Variants in AGBL1 observed in about 807,000 individuals in gnomAD.
AGBL1 encodes the protein AGBL carboxypeptidase 1, also known as cytosolic carboxypeptidase 4.
AGBL1 carries 130 observed loss-of-function variants against 118.9 expected under a neutral mutation model. That is an observed-to-expected ratio of 1.09 (90% CI 0.95 to 1.26). The LOEUF (loss-of-function observed/expected upper bound fraction) is 1.26. AGBL1 is among the 50% of genes most tolerant of loss of function. The pLI, the probability that AGBL1 is intolerant of heterozygous loss-of-function variation, is 0.00. For missense variants in AGBL1, 1,584 were observed against 1,298.1 expected (o/e 1.22, Z -3.38); for synonymous variants, 555 against 478.9 (o/e 1.16, Z -2.08).
intron 22 of AGBL1, among the ~76,000 whole-genome samples, chr15:86,733,020 A>G (rs943747700): frequency 1.3e-4 from 20 of 148,686 alleles, no homozygotes; most frequent in African/African-American, 4.9e-4. Flanking sequence ...ATCTCTATAT[A>G]TTAATACTAT....
chr15:86,746,460 G>A (rs2077758236), intron 22 of AGBL1, among the ~76,000 whole-genome samples: 1 of 151,624 alleles, frequency 6.6e-6, no homozygotes, highest in Non-Finnish European at 1.5e-5. Context: ...TTTATTTTGG[G>A]TTCAGAACAT....
chr15:86,741,976 AG>A (rs2077686198), intron 22 of AGBL1, among the ~76,000 whole-genome samples: 1 of 141,560 alleles, frequency 7.1e-6, no homozygotes, highest in African/African-American at 2.8e-5. Flanking sequence ...TATCCACTGG[AG>A]TTTTTTTTTT....
chr15:86,204,316 T>C (rs1301796874), intron 5 of AGBL1, among the ~76,000 whole-genome samples: 1 of 152,178 alleles, frequency 6.6e-6, no homozygotes, highest in African/African-American at 2.4e-5. Flanking sequence ...TATTCTTTAA[T>C]TTTTACTCAG....
intron 17 of AGBL1, among the ~76,000 whole-genome samples, chr15:86,359,387 CTTTTTTTTTTT>C (rs56189861): frequency 4.3e-5 from 4 of 93,794 alleles, no homozygotes; most frequent in East Asian, 7.0e-4. Flanking sequence ...TATTGGTTTT[CTTTTTTTTTTT>C]TTTTTTTTTT....
intron 19 of AGBL1, among the ~76,000 whole-genome samples, chr15:86,535,941 C>T (rs916855473): frequency 1.3e-5 from 2 of 152,072 alleles, no homozygotes; most frequent in Non-Finnish European, 2.9e-5. Context: ...GTTAAGGTAC[C>T]ACATCTAGAA....
intron 19 of AGBL1, among the ~76,000 whole-genome samples, chr15:86,534,918 A>T (rs991151245): frequency 3.3e-5 from 5 of 152,192 alleles, no homozygotes; most frequent in African/African-American, 1.2e-4. Context: ...TCAGGAGGGA[A>T]CTTTATAGGT....
chr15:86,618,639 AG>A (rs1293068116), intron 21 of AGBL1, among the ~76,000 whole-genome samples: 5 of 152,216 alleles, frequency 3.3e-5, no homozygotes, highest in African/African-American at 1.2e-4. Context: ...AATAATTCTT[AG>A]GCATCTCAAA....
intron 18 of AGBL1, among the ~76,000 whole-genome samples, chr15:86,461,755 C>T (rs1185302747): frequency 6.6e-6 from 1 of 152,014 alleles, no homozygotes; most frequent in Non-Finnish European, 1.5e-5. Flanking sequence ...CTTTCAATTC[C>T]ATCTTTTACT....
At chr15:86,631,776 CTG>C (rs1036992733) in intron 21 of AGBL1, among the ~76,000 whole-genome samples, 2 of 152,196 alleles carry the variant, frequency 1.3e-5, no homozygotes, top group African/African-American at 4.8e-5. Context: ...GGTCCTGAAT[CTG>C]TTCCTATCTG....
intron 22 of AGBL1, among the ~76,000 whole-genome samples, chr15:86,863,141 T>C (rs2079581792): frequency 6.6e-6 from 1 of 152,106 alleles, no homozygotes; most frequent in South Asian, 2.1e-4. Context: ...AAAGAGCATG[T>C]GGATATATGG....
rs2082425210 is a variant in AGBL1 at position 86,467,723 on chromosome 15, A to G, written c.2556-55087A>G. Among the ~76,000 whole-genome samples the G allele has an allele frequency of 2.0e-5, 3 of 152,274 alleles. No homozygotes were observed. In the South Asian group the frequency reaches 6.2e-4, roughly 32 times the overall value. On this transcript the variant is annotated intron_variant, in intron 18 of 22. Transcript: ENST00000614907. Reference sequence around the variant, plus strand: ...ATTTCAGGGCTTCCCTTGGCTAGGTAGGGAGTTCCCCAACCCCTTGCACTT... The same window carrying G: ...ATTTCAGGGCTTCCCTTGGCTAGGTGGGGAGTTCCCCAACCCCTTGCACTT...
rs192964436 is a variant in AGBL1, at chr15:87,019,699, C to T, written c.3324-9126C>T. Among the ~76,000 whole-genome samples, 1,128 of 152,026 alleles carry T rather than the reference C, an allele frequency of 7.4e-3. 13 individuals are homozygous for T. Among genetic ancestry groups the T allele is most frequent in the African/African-American group, 0.026 (1,070 of 41,480 alleles). On this transcript the variant is annotated intron_variant, in intron 24 of 24. Coordinates refer to the AGBL1 transcript ENST00000441037. ...AAGTCTCAAGTTAACAACCTAACATCACAACTAAAAGAACAAGAGGACCAA... is the reference window on the plus strand; with the variant it reads ...AAGTCTCAAGTTAACAACCTAACATTACAACTAAAAGAACAAGAGGACCAA...
chr15:86,904,696 T>C lies in AGBL1; in HGVS notation c.3159-2391T>C, dbSNP rs1435324382. ...TTACATGTATTTTATTATATATAAA[T>C]GACAAAACCATATTTGTTATAAAAC... On this transcript the variant is annotated intron_variant, in intron 22 of 22. Coordinates refer to ENST00000614907, the MANE Select transcript of AGBL1 (RefSeq NM_001386094.1). Among the ~76,000 whole-genome samples, 5 of 149,674 alleles carry C rather than the reference T, an allele frequency of 3.3e-5. No individual in the cohort carries two copies. In the East Asian group the frequency reaches 9.7e-4, roughly 29 times the overall value.
At chr15:86,720,531 G>C (rs1036378304) in intron 22 of AGBL1, among the ~76,000 whole-genome samples, 1 of 152,200 alleles carries the variant, frequency 6.6e-6, no homozygotes, top group African/African-American at 2.4e-5. Context: ...GGGGCCACTT[G>C]AGATATGTGG....
intron 23 of AGBL1, among the ~76,000 whole-genome samples, chr15:86,935,462 G>A (rs571040562): frequency 6.6e-6 from 1 of 152,324 alleles, no homozygotes; most frequent in South Asian, 2.1e-4. Context: ...GCCAGCTAAT[G>A]AGTGACATTT....
intron 18 of AGBL1, among the ~76,000 whole-genome samples, chr15:86,489,043 C>T (rs1370398298): frequency 6.6e-6 from 1 of 152,002 alleles, no homozygotes; most frequent in Non-Finnish European, 1.5e-5. Flanking sequence ...GCTTCTTGGA[C>T]TAACTAGTCT....
chr15:86,375,326 A>T (rs188640789), intron 17 of AGBL1, among the ~76,000 whole-genome samples: 6 of 152,160 alleles, frequency 3.9e-5, no homozygotes, highest in Non-Finnish European at 8.8e-5. Context: ...AAAGAGAAGC[A>T]TGAAGGAGGA....
intron 22 of AGBL1, among the ~76,000 whole-genome samples, chr15:86,822,173 T>G (rs1232704886): frequency 6.6e-6 from 1 of 152,158 alleles, no homozygotes; most frequent in African/African-American, 2.4e-5. Context: ...GCCCCTGGAC[T>G]AATTTTCCTG....
chr15:86,310,708 GC>G (rs1398625277), intron 17 of AGBL1, among the ~76,000 whole-genome samples: 2 of 152,142 alleles, frequency 1.3e-5, no homozygotes, highest in Non-Finnish European at 2.9e-5. Flanking sequence ...AGCCGTGGGG[GC>G]CAGCCTAGAG....
Sources: gnomAD v4.1 joint callset for allele counts (sites outside exome capture counted in the v4.1 genomes callset) on GRCh38, gnomAD v4.1.1 for gene constraint, MANE v1.5 for transcripts, NCBI Gene and HGNC (gene_info 2026-07-23, HGNC 2026-07-21) for gene names.